CACNA1E: variants seen among roughly 807,000 people sequenced by gnomAD.
CACNA1E encodes the protein calcium voltage-gated channel subunit alpha1 E, also known as voltage-dependent R-type calcium channel subunit alpha-1E.
CACNA1E carries 40 observed loss-of-function variants against 259.2 expected under a neutral mutation model. The observed-to-expected ratio is 0.15, with a 90% CI of 0.12 to 0.20. CACNA1E has a LOEUF of 0.20. CACNA1E is among the 10% of genes least tolerant of loss of function. The pLI is 1.00. For missense variants in CACNA1E, 1,874 were observed against 3,040.1 expected, an observed-to-expected ratio of 0.62 and a Z score of 9.02; for synonymous variants, 1,104 against 1,138.5, an observed-to-expected ratio of 0.97 and a Z score of 0.61.
chr1:181,625,313 C>G (rs779376952), intron 6 of CACNA1E, among the ~76,000 whole-genome samples: 1 of 152,106 alleles, frequency 6.6e-6, no homozygotes, highest in South Asian at 2.1e-4. Context: ...AGCCAAACGT[C>G]GTCTTCTCTA....
rs2293990 is a variant in CACNA1E at position 181,736,646 on chromosome 1, A to T, written c.3422+212A>T. Among the ~76,000 whole-genome samples, 17,198 of 152,212 alleles carry T rather than the reference A, an allele frequency of 0.11. 1,528 individuals are homozygous for T. Among genetic ancestry groups the T allele is most frequent in the East Asian group, 0.49 (2,511 of 5,150 alleles). On this transcript the variant is annotated intron_variant, in intron 22 of 47. Coordinates refer to ENST00000367573, the MANE Select transcript of CACNA1E (RefSeq NM_001205293.3). ...CCTCTGAACTCTGTGCCCATAGCTG[A>T]AAGAGTAACATCGACAGGAGAACAT...
At chr1:181,556,031 G>A (rs945096653) in intron 3 of CACNA1E, among the ~76,000 whole-genome samples, 1 of 152,202 alleles carries the variant, frequency 6.6e-6, no homozygotes, top group Non-Finnish European at 1.5e-5. Flanking sequence ...TAACAAAGAT[G>A]AGCCTAGTTC....
intron 3 of CACNA1E, among the ~76,000 whole-genome samples, chr1:181,554,536 T>G (rs1648524220): frequency 6.6e-6 from 1 of 152,210 alleles, no homozygotes; most frequent in Admixed American, 6.5e-5. Context: ...GATCGGTTTA[T>G]TCCAAGAAAT....
intron 6 of CACNA1E, among the ~76,000 whole-genome samples, chr1:181,581,575 C>G (rs1431791084): frequency 1.3e-5 from 2 of 152,118 alleles, no homozygotes; most frequent in Non-Finnish European, 2.9e-5. Context: ...GTTGGGGATT[C>G]CTGCATGGGG....
intron 6 of CACNA1E, among the ~76,000 whole-genome samples, chr1:181,627,141 A>G (rs1406186492): frequency 6.6e-6 from 1 of 152,248 alleles, no homozygotes; most frequent in African/African-American, 2.4e-5. Context: ...GCAAGATGAA[A>G]GAACAAGGAA....
At chr1:181,480,292 G>A (rs182661218), upstream of CACNA1E, among the ~76,000 whole-genome samples, 719 of 152,276 alleles carry the variant, frequency 4.7e-3, 28 homozygotes, top group Admixed American at 0.041. Context: ...CTTAGGCCAA[G>A]TCTCTTCACA....
At chr1:181,708,280 G>A (rs1281934120) in intron 7 of CACNA1E, among the ~76,000 whole-genome samples, 2 of 152,188 alleles carry the variant, frequency 1.3e-5, no homozygotes, top group African/African-American at 4.8e-5. Context: ...AGCAGAGGGT[G>A]ATGGAAGCCA....
chr1:181,522,471 A>G (rs1462654452), intron 3 of CACNA1E, among the ~76,000 whole-genome samples: 1 of 152,042 alleles, frequency 6.6e-6, no homozygotes, highest in Non-Finnish European at 1.5e-5. Context: ...TATGATTTTT[A>G]TTTTTCTGAT....
intron 43 of CACNA1E, among the ~76,000 whole-genome samples, chr1:181,789,532 A>G (rs1661116248): frequency 6.6e-6 from 1 of 152,010 alleles, no homozygotes; most frequent in South Asian, 2.1e-4. Context: ...CTGCCCAGCC[A>G]CTGACCCCAG....
chr1:181,747,715 T>A (rs1657223890), intron 25 of CACNA1E, among the ~76,000 whole-genome samples: 1 of 152,190 alleles, frequency 6.6e-6, no homozygotes, highest in African/African-American at 2.4e-5. Context: ...TTTAAATGAT[T>A]TGTAAAATGC....
Position 181,602,198 on chromosome 1 carries a change from A to C in CACNA1E, c.951+21422A>C, listed in dbSNP as rs899540893. On this transcript the variant is annotated intron_variant, in intron 6 of 47. Coordinates refer to ENST00000367573, the MANE Select transcript of CACNA1E (RefSeq NM_001205293.3). ...GCCTGTTTATTTTGTCTATTGGCTA[A>C]GTGATCCCACTAGAGTACAAGCTTC... is the stretch of plus-strand genomic sequence containing the variant. 9.8e-5 allele frequency among the ~76,000 whole-genome samples: 15 copies of C among 152,336 alleles called. No homozygotes were observed. In the East Asian group the frequency reaches 1.2e-3, roughly 12 times the overall value.
chr1:181,545,307 G>A (rs1341221033), intron 3 of CACNA1E, among the ~76,000 whole-genome samples: 1 of 152,168 alleles, frequency 6.6e-6, no homozygotes, highest in East Asian at 1.9e-4. Context: ...ATAATACCAT[G>A]TTTGTTGTAT....
intron 1 of CACNA1E, among the ~76,000 whole-genome samples, chr1:181,336,755 C>A (rs1651738427): frequency 6.6e-6 from 1 of 152,068 alleles, no homozygotes; most frequent in Non-Finnish European, 1.5e-5. Flanking sequence ...TTGGCAACCA[C>A]CAATCTACTT....
intron 3 of CACNA1E, among the ~76,000 whole-genome samples, chr1:181,559,539 G>A (rs1224769739): frequency 6.6e-6 from 1 of 152,198 alleles, no homozygotes; most frequent in African/African-American, 2.4e-5. Context: ...GTAGCCAAAG[G>A]AGAAAAGGAT....
At chr1:181,356,320 C>T (rs545108644) in intron 1 of CACNA1E, among the ~76,000 whole-genome samples, 2 of 151,190 alleles carry the variant, frequency 1.3e-5, no homozygotes, top group South Asian at 4.3e-4. Context: ...CCACTGTATT[C>T]CCTGGCTGTT....
intron 3 of CACNA1E, among the ~76,000 whole-genome samples, chr1:181,548,996 C>T (rs190488478): frequency 2.0e-5 from 3 of 152,176 alleles, no homozygotes; most frequent in South Asian, 2.1e-4. Flanking sequence ...AGAACAGGCA[C>T]GTCTAGGAGA....
intron 6 of CACNA1E, among the ~76,000 whole-genome samples, chr1:181,608,895 G>A (rs1353249955): frequency 2.6e-5 from 4 of 152,118 alleles, no homozygotes; most frequent in East Asian, 1.9e-4. Context: ...ATGAATGACC[G>A]TCAGAGGTTT....
At chr1:181,370,511 A>C (rs995728696) in intron 1 of CACNA1E, among the ~76,000 whole-genome samples, 2 of 152,180 alleles carry the variant, frequency 1.3e-5, no homozygotes, top group Non-Finnish European at 2.9e-5. Flanking sequence ...GCTCCCGCTT[A>C]TAAGTGAGAA....
chr1:181,524,615 C>T (rs568347198), intron 3 of CACNA1E, among the ~76,000 whole-genome samples: 2 of 152,312 alleles, frequency 1.3e-5, no homozygotes, highest in East Asian at 3.9e-4. Flanking sequence ...GACCCAGGCT[C>T]CTTCTATCTG....
Sources: gnomAD v4.1 joint callset for allele counts (sites outside exome capture counted in the v4.1 genomes callset) on GRCh38, gnomAD v4.1.1 for gene constraint, MANE v1.5 for transcripts, NCBI Gene and HGNC (gene_info 2026-07-23, HGNC 2026-07-21) for gene names.